The following EDARADD variants were observed in gnomAD, a reference collection of about 807,000 sequenced individuals.
EDARADD encodes ectodysplasin-A receptor-associated adapter protein.
In EDARADD, 20 loss-of-function variants were observed where a neutral mutation model predicts 25.6. The observed-to-expected ratio is 0.78, with a 90% CI of 0.55 to 1.14. The LOEUF is 1.14. Among genes scored for constraint, EDARADD ranks in the 50% most tolerant of loss-of-function variants. The pLI is 0.00. For synonymous variants in EDARADD, 86 were observed against 94.4 expected (o/e 0.91, Z 0.52); for missense variants, 225 against 270.1 (o/e 0.83, Z 1.17).
chr1:236,473,159 G>T (rs572870526), intron 5 of EDARADD, among the ~76,000 whole-genome samples: 6 of 152,260 alleles, frequency 3.9e-5, no homozygotes, highest in Non-Finnish European at 8.8e-5. Context: ...TATTCTATCT[G>T]GGAGAGACAG....
intron 3 of EDARADD, among the ~76,000 whole-genome samples, chr1:236,418,246 C>T (rs1335151396): frequency 3.3e-5 from 5 of 150,826 alleles, no homozygotes; most frequent in Admixed American, 1.3e-4. Flanking sequence ...AGCCACCGCG[C>T]CCGGCCTCTT....
At chr1:236,424,459 A>C (rs1168002534) in intron 3 of EDARADD, among the ~76,000 whole-genome samples, 1 of 152,090 alleles carries the variant, frequency 6.6e-6, no homozygotes, top group Non-Finnish European at 1.5e-5. Flanking sequence ...CACCACACCC[A>C]ACCTGTCTTC....
At chr1:236,404,685 C>T (rs1293855802) in intron 1 of EDARADD, among the ~76,000 whole-genome samples, 1 of 152,154 alleles carries the variant, frequency 6.6e-6, no homozygotes, top group Non-Finnish European at 1.5e-5. Flanking sequence ...TGTCTGTGGT[C>T]CCAGCTACTT....
intron 3 of EDARADD, among the ~76,000 whole-genome samples, chr1:236,416,949 A>G (rs531901922): frequency 3.6e-4 from 55 of 152,106 alleles, no homozygotes; most frequent in African/African-American, 1.3e-3. Flanking sequence ...CCATCTCTAC[A>G]AAAATATATA....
chr1:236,428,585 C>G (rs1657992747), intron 4 of EDARADD, among the ~76,000 whole-genome samples: 1 of 114,418 alleles, frequency 8.7e-6, no homozygotes. Context: ...ACTGGGCTGC[C>G]GGGCAGAGGC....
intron 1 of EDARADD, among the ~76,000 whole-genome samples, chr1:236,405,807 T>TCCTTC (rs1296266745): frequency 3.1e-5 from 4 of 128,982 alleles, no homozygotes; most frequent in African/African-American, 8.7e-5. Context: ...TTTCTTTCTT[T>TCCTTC]CTTTCCTTCC....
chr1:236,409,090 A>G, intron 1 of EDARADD, 126 bp from the exon 2 acceptor site: 4 of 446,898 alleles, frequency 9.0e-6, no homozygotes, highest in Non-Finnish European at 1.6e-5. Context: ...AAAAAAAAGG[A>G]GTAAGGTTTT....
chr1:236,441,596 T>C (rs2103022561), intron 4 of EDARADD, among the ~76,000 whole-genome samples: 1 of 151,310 alleles, frequency 6.6e-6, no homozygotes, highest in East Asian at 1.9e-4. Context: ...CGATCTCCGC[T>C]CACTGCAACC....
chr1:236,443,521 T>A (rs547530188), intron 4 of EDARADD, among the ~76,000 whole-genome samples: 2 of 152,284 alleles, frequency 1.3e-5, no homozygotes, highest in Admixed American at 1.3e-4. Flanking sequence ...ATTCAAGATT[T>A]CAGTGGGGGA....
rs577963160 is a variant in EDARADD at position 236,362,987 on chromosome 1, GAAAAAA to G, written c.-6+12163_-6+12168del. 1.6e-3 allele frequency among the ~76,000 whole-genome samples: 47 copies of G among 29,558 alleles called. 2 individuals are homozygous for G. Among genetic ancestry groups the G allele is most frequent in the East Asian group, 0.011 (5 of 462 alleles). The allele number at this position is 29,558 out of a possible 152,430, so 19.4% of individuals were successfully genotyped here. On this transcript the variant is annotated intron_variant, in intron 3 of 7. Transcript: ENST00000439430. ...TCAAGACTCTGTCTTCTTTTTTTAA[GAAAAAA>G]AAAAAAAAAAAAAATATATATATAT...
intron 4 of EDARADD, among the ~76,000 whole-genome samples, chr1:236,433,465 C>G (rs560851138): frequency 1.1e-3 from 167 of 151,834 alleles, no homozygotes; most frequent in African/African-American, 3.5e-3. Context: ...CACCCACCAC[C>G]ACACCCAGAT....
intron 3 of EDARADD, among the ~76,000 whole-genome samples, chr1:236,418,948 G>A (rs12094420): frequency 0.015 from 2,300 of 152,218 alleles, 56 homozygotes; most frequent in African/African-American, 0.052. Flanking sequence ...GGAATCTTCT[G>A]TTACAGTAAA....
At chr1:236,365,944 T>G (rs1305946359) in intron 3 of EDARADD, among the ~76,000 whole-genome samples, 2 of 152,242 alleles carry the variant, frequency 1.3e-5, no homozygotes, top group Non-Finnish European at 2.9e-5. Context: ...TTGTCATTTC[T>G]TCTATAGAAC....
At chr1:236,387,419 T>G (rs1242402484) in intron 3 of EDARADD, among the ~76,000 whole-genome samples, 2 of 40,518 alleles carry the variant, frequency 4.9e-5, no homozygotes, top group Non-Finnish European at 1.1e-4. Context: ...GTCCGGGAGG[T>G]GAGGGGCGCC....
chr1:236,382,827 G>A (rs1432926727), intron 3 of EDARADD, among the ~76,000 whole-genome samples: 3 of 152,160 alleles, frequency 2.0e-5, no homozygotes, highest in Non-Finnish European at 4.4e-5. Context: ...GTGAGCACCA[G>A]GCACGGTTCC....
chr1:236,353,999 T>C (rs1046079261), intron 3 of EDARADD, among the ~76,000 whole-genome samples: 2 of 152,188 alleles, frequency 1.3e-5, no homozygotes, highest in African/African-American at 4.8e-5. Context: ...CTCTTGTAGC[T>C]GGAGACATTT....
intron 5 of EDARADD, among the ~76,000 whole-genome samples, chr1:236,472,685 T>A (rs6704501): frequency 0.41 from 59,557 of 143,660 alleles, 11,776 homozygotes; most frequent in African/African-American, 0.46. Context: ...GCTATTCTAT[T>A]CATTGTTGCA....
intron 4 of EDARADD, among the ~76,000 whole-genome samples, chr1:236,442,954 C>T (rs755611168): frequency 5.3e-5 from 8 of 152,218 alleles, no homozygotes; most frequent in Middle Eastern, 3.4e-3. Context: ...GTGATTGGTT[C>T]GTGAAGGCTC....
intron 3 of EDARADD, among the ~76,000 whole-genome samples, chr1:236,383,320 A>G (rs2102996552): frequency 6.6e-6 from 1 of 150,724 alleles, no homozygotes; most frequent in South Asian, 2.1e-4. Context: ...ACTTGAACCT[A>G]GGAGGTGGAG....
Sources: gnomAD v4.1 joint callset for allele counts (sites outside exome capture counted in the v4.1 genomes callset) on GRCh38, gnomAD v4.1.1 for gene constraint, MANE v1.5 for transcripts, NCBI Gene and HGNC (gene_info 2026-07-23, HGNC 2026-07-21) for gene names.